The following ALCAM variants were observed in gnomAD, a reference collection of about 807,000 sequenced individuals.
ALCAM encodes CD166 antigen.
In ALCAM, 30 loss-of-function variants were observed where a neutral mutation model predicts 70.9. The observed-to-expected ratio is 0.42, with a 90% CI of 0.32 to 0.57. ALCAM has a LOEUF of 0.57. Ranked by LOEUF, ALCAM falls within the 20% of genes least tolerant of loss-of-function variation. The pLI is 0.11. For synonymous variants in ALCAM, 249 were observed against 242.5 expected, an observed-to-expected ratio of 1.03 and a Z score of -0.25; for missense variants, 591 against 695.1, an observed-to-expected ratio of 0.85 and a Z score of 1.68.
At chr3:105,571,670 A>G (rs917724922) in intron 14 of ALCAM, among the ~76,000 whole-genome samples, 182 bp from the exon 15 acceptor site, 4 of 152,164 alleles carry the variant, frequency 2.6e-5, no homozygotes, top group African/African-American at 9.7e-5. Context: ...CCCATCACCA[A>G]GCTAATTTCA....
chr3:105,437,275 C>T (rs1937070283), intron 1 of ALCAM, among the ~76,000 whole-genome samples: 2 of 152,096 alleles, frequency 1.3e-5, no homozygotes, highest in South Asian at 4.2e-4. Flanking sequence ...CTGATTGTTG[C>T]CTATAACAGA....
chr3:105,475,325 G>T (rs1938077128), intron 1 of ALCAM, among the ~76,000 whole-genome samples: 1 of 151,912 alleles, frequency 6.6e-6, no homozygotes, highest in Admixed American at 6.6e-5. Context: ...TAGTTTATAT[G>T]CTAGCAAAAT....
At chr3:105,532,574 A>G (rs76273699) in intron 4 of ALCAM, among the ~76,000 whole-genome samples, 2,326 of 152,252 alleles carry the variant, frequency 0.015, 50 homozygotes, top group African/African-American at 0.048. Context: ...GCACCATTGC[A>G]TTCCATTGTG....
intron 1 of ALCAM, among the ~76,000 whole-genome samples, chr3:105,489,970 C>T (rs1012328795): frequency 6.6e-6 from 1 of 152,214 alleles, no homozygotes; most frequent in Non-Finnish European, 1.5e-5. Context: ...GCCACTAACA[C>T]TTTAGAAAGT....
intron 1 of ALCAM, among the ~76,000 whole-genome samples, chr3:105,451,087 AAGT>A (rs1408902059): frequency 3.0e-5 from 1 of 33,708 alleles, no homozygotes; most frequent in Non-Finnish European, 5.6e-5. Flanking sequence ...AAATCCAAAG[AAGT>A]AAGTAAACAA....
chr3:105,402,603 C>G (rs928073635), intron 1 of ALCAM, among the ~76,000 whole-genome samples: 1 of 152,084 alleles, frequency 6.6e-6, no homozygotes, highest in Non-Finnish European at 1.5e-5. Flanking sequence ...GGGTGTGGCC[C>G]GTGACTGCTG....
chr3:105,543,144 G>A (rs1196319663), intron 8 of ALCAM, among the ~76,000 whole-genome samples: 1 of 151,658 alleles, frequency 6.6e-6, no homozygotes, highest in Non-Finnish European at 1.5e-5. Flanking sequence ...AAGGTACACA[G>A]GTCTCTAAAA....
chr3:105,460,035 G>T (rs941722740), intron 1 of ALCAM, among the ~76,000 whole-genome samples: 1 of 152,064 alleles, frequency 6.6e-6, no homozygotes. Context: ...GCATCTAGGT[G>T]AGAGGAAGCA....
chr3:105,382,584 C>T lies in ALCAM; in HGVS notation c.73+15103C>T, dbSNP rs546645518. On this transcript the variant is annotated intron_variant, in intron 1 of 15. Transcript: ENST00000306107. ...GTGTAAAAGTGTTCCTATTTCTCCA[C>T]ATCCTCTCCAGCACCTGTTGTTTCC... 9.1e-3 allele frequency among the ~76,000 whole-genome samples: 1,386 copies of T among 152,162 alleles called. 6 individuals carry two copies. The highest frequency in any genetic ancestry group is 0.014 in the Non-Finnish European group (951 of 67,950).
intron 1 of ALCAM, among the ~76,000 whole-genome samples, chr3:105,454,004 T>G (rs1937496398): frequency 6.6e-6 from 1 of 152,206 alleles, no homozygotes; most frequent in African/African-American, 2.4e-5. Flanking sequence ...TATTCAATTT[T>G]GTGTTCAAAT....
intron 1 of ALCAM, among the ~76,000 whole-genome samples, chr3:105,480,612 G>C (rs1938246088): frequency 6.6e-6 from 1 of 152,164 alleles, no homozygotes; most frequent in Non-Finnish European, 1.5e-5. Flanking sequence ...CAGTCATCTG[G>C]AATTGTTGTA....
intron 1 of ALCAM, among the ~76,000 whole-genome samples, chr3:105,447,633 A>C (rs1429496275): frequency 6.6e-6 from 1 of 152,208 alleles, no homozygotes; most frequent in Non-Finnish European, 1.5e-5. Context: ...GGATTGCTTA[A>C]GCCAGGGAGA....
At chr3:105,400,076 T>TA (rs1263600684) in intron 1 of ALCAM, among the ~76,000 whole-genome samples, 14 of 152,176 alleles carry the variant, frequency 9.2e-5, no homozygotes, top group African/African-American at 3.1e-4. Flanking sequence ...TAATTGAGGT[T>TA]ATAAGCATAA....
rs146579736 is a variant in ALCAM at position 105,408,697 on chromosome 3, G to C, written c.73+41216G>C. Among the ~76,000 whole-genome samples, 600 of 152,072 alleles carry C rather than the reference G, an allele frequency of 3.9e-3. 4 individuals carry two copies. The highest frequency in any genetic ancestry group is 0.014 in the African/African-American group (570 of 41,540). On this transcript the variant is annotated intron_variant, in intron 1 of 15. Transcript: ENST00000306107. ...AATGCAACAAAAACAAAGGTAAATA[G>C]TTGGTACTTAATTAAACTAAAAAGC...
At chr3:105,461,010 G>C (rs1372043697) in intron 1 of ALCAM, among the ~76,000 whole-genome samples, 2 of 151,770 alleles carry the variant, frequency 1.3e-5, no homozygotes, top group Admixed American at 6.6e-5. Context: ...GTGTGTGTGT[G>C]TGTGTATGTG....
chr3:105,563,882 T>C (rs1451083071), intron 14 of ALCAM, among the ~76,000 whole-genome samples: 2 of 148,276 alleles, frequency 1.3e-5, no homozygotes, highest in Non-Finnish European at 3.0e-5. Context: ...AGAGACGGGG[T>C]TTCACCTTGT....
At chr3:105,572,327 T>C (rs1940875983) in intron 15 of ALCAM, among the ~76,000 whole-genome samples, 2 of 151,838 alleles carry the variant, frequency 1.3e-5, no homozygotes, top group South Asian at 4.2e-4. Flanking sequence ...AGTGAAAACA[T>C]GCAATGTTGA....
chr3:105,469,536 A>C (rs898575160), intron 1 of ALCAM, among the ~76,000 whole-genome samples: 1 of 151,280 alleles, frequency 6.6e-6, no homozygotes, highest in Non-Finnish European at 1.5e-5. Flanking sequence ...GTCAAAACCT[A>C]GAAAATGAAT....
intron 3 of ALCAM, among the ~76,000 whole-genome samples, chr3:105,526,801 A>C (rs1053020246): frequency 2.6e-5 from 4 of 152,124 alleles, no homozygotes; most frequent in Admixed American, 6.5e-5. Flanking sequence ...CATTCTCTGC[A>C]TGTGTATATT....
Sources: gnomAD v4.1 joint callset for allele counts (sites outside exome capture counted in the v4.1 genomes callset) on GRCh38, gnomAD v4.1.1 for gene constraint, MANE v1.5 for transcripts, NCBI Gene and HGNC (gene_info 2026-07-23, HGNC 2026-07-21) for gene names.